PTPRS: variants seen among roughly 807,000 people sequenced by gnomAD.
PTPRS encodes the protein protein tyrosine phosphatase receptor type S, also known as receptor-type tyrosine-protein phosphatase S.
In PTPRS, 63 loss-of-function variants were observed where a neutral mutation model predicts 215.3. The ratio of observed to expected loss-of-function variants is 0.29; its 90% CI spans 0.24 to 0.36. The LOEUF (loss-of-function observed/expected upper bound fraction) is 0.36, where lower values mean the gene tolerates loss of function less well. PTPRS is among the 10% of genes least tolerant of loss of function. The pLI, the probability that PTPRS is intolerant of heterozygous loss-of-function variation, is 1.00. For synonymous variants in PTPRS, 1,404 were observed against 1,191.4 expected (o/e 1.18, Z -3.68); for missense variants, 2,258 against 2,825.8 (o/e 0.80, Z 4.56).
At chr19:5,233,210 G>A (rs1196716556) in intron 13 of PTPRS, among the ~76,000 whole-genome samples, 2 of 151,122 alleles carry the variant, frequency 1.3e-5, no homozygotes, top group Admixed American at 6.6e-5. Context: ...GCCAGGCACC[G>A]TGGCAAGGGG....
At chr19:5,330,530 G>A (rs1229985997) in intron 1 of PTPRS, among the ~76,000 whole-genome samples, 1 of 152,218 alleles carries the variant, frequency 6.6e-6, no homozygotes, top group African/African-American at 2.4e-5. Context: ...AACGGTTCAC[G>A]AAGCTGTGGG....
chr19:5,263,259 C>A (rs887624522), intron 5 of PTPRS, among the ~76,000 whole-genome samples: 3 of 152,108 alleles, frequency 2.0e-5, no homozygotes, highest in African/African-American at 7.2e-5. Flanking sequence ...GGCCTATGAG[C>A]TGCAAACATC....
chr19:5,242,737 C>T (rs888104104), intron 11 of PTPRS, among the ~76,000 whole-genome samples: 2 of 152,094 alleles, frequency 1.3e-5, no homozygotes, highest in Non-Finnish European at 2.9e-5. Context: ...TGCTTTGTTG[C>T]CCAGGCTGGA....
At chr19:5,261,832 C>T (rs1173071979) in intron 6 of PTPRS, among the ~76,000 whole-genome samples, 4 of 152,294 alleles carry the variant, frequency 2.6e-5, no homozygotes, top group East Asian at 1.9e-4. Flanking sequence ...GAGGTGTTCT[C>T]GTGAGGCCAC....
intron 6 of PTPRS, 75 bp from the exon 7 acceptor site, chr19:5,260,897 T>C (rs1172817612): frequency 1.3e-6 from 2 of 1,547,520 alleles, no homozygotes; most frequent in African/African-American, 2.7e-5. Flanking sequence ...CCAGGGAAGC[T>C]GGGCTGGGCC....
chr19:5,292,228 C>G (rs1244289952), intron 1 of PTPRS, among the ~76,000 whole-genome samples: 1 of 152,192 alleles, frequency 6.6e-6, no homozygotes, highest in Non-Finnish European at 1.5e-5. Flanking sequence ...CCACCTGGCA[C>G]TTTATCCACA....
intron 36 of PTPRS, 75 bp from the exon 37 acceptor site, chr19:5,208,132 G>C: frequency 6.3e-7 from 1 of 1,577,294 alleles, no homozygotes. Flanking sequence ...CCGATTCCCC[G>C]AGGACTCTAA....
intron 13 of PTPRS, among the ~76,000 whole-genome samples, chr19:5,234,418 C>T (rs2043266088): frequency 6.6e-6 from 1 of 152,244 alleles, no homozygotes; most frequent in Non-Finnish European, 1.5e-5. Flanking sequence ...ATATTGAGCA[C>T]CTACTGTGTG....
intron 1 of PTPRS, among the ~76,000 whole-genome samples, chr19:5,340,022 G>A (rs1249243300): frequency 2.0e-5 from 3 of 151,808 alleles, no homozygotes; most frequent in Admixed American, 2.0e-4. Context: ...CTCCCATAAG[G>A]CAACGACAGG....
rs41276864 is a variant in PTPRS, at chr19:5,211,601, A to G, written c.5223T>C (p.Ile1741=). 17,351 of 1,608,126 alleles carry G rather than the reference A, an allele frequency of 0.011. 142 individuals carry two copies. Among genetic ancestry groups the G allele is most frequent in the Non-Finnish European group, 0.012 (14,616 of 1,175,086 alleles). ...EGSDYINASF[I]DGYRQQKAYI... ...GGCATGGCACCTACCTGTAGCCATC[A>G]ATGAAGCTGGCGTTGATGTAGTCAG... The change falls in exon 33 of 38, where the codon ATT becomes ATC. Residue 1741 remains isoleucine, a synonymous_variant. Transcript: ENST00000262963.
chr19:5,237,307 C>T lies in PTPRS; in HGVS notation c.1849+1612G>A, dbSNP rs558520472. Among the ~76,000 whole-genome samples the T allele has an allele frequency of 6.6e-6, 1 of 152,348 alleles. No homozygotes were observed. The highest frequency in any genetic ancestry group is 1.9e-4 in the East Asian group (1 of 5,182). ...CCCGCAGTCCCCGGGGGGATGGATA[C>T]GCCTGGCCCTGAGTCTTTGCTGTCG... On this transcript the variant is annotated intron_variant, in intron 13 of 37. Transcript: ENST00000262963. The surrounding 1 kb of genome is among the most constrained non-coding windows in gnomAD (Gnocchi z 4.2).
chr19:5,268,378 T>C (rs752179356), intron 4 of PTPRS, among the ~76,000 whole-genome samples: 6 of 151,836 alleles, frequency 4.0e-5, no homozygotes, highest in Non-Finnish European at 8.8e-5. Context: ...AGACAATGTT[T>C]CTGTTTGTTT....
chr19:5,227,539 C>T (rs533351159), intron 16 of PTPRS, among the ~76,000 whole-genome samples: 10 of 152,132 alleles, frequency 6.6e-5, no homozygotes, highest in Admixed American at 2.0e-4. Context: ...CTCAGCCTCC[C>T]GAGTAGCTAG....
At chr19:5,248,868 C>T (rs867053463) in intron 9 of PTPRS, among the ~76,000 whole-genome samples, 3 of 152,190 alleles carry the variant, frequency 2.0e-5, no homozygotes, top group South Asian at 2.1e-4. Flanking sequence ...GGTATCCTGC[C>T]GAGAAAGGCA....
intron 13 of PTPRS, among the ~76,000 whole-genome samples, chr19:5,232,784 G>A (rs962544856): frequency 1.3e-5 from 2 of 151,352 alleles, no homozygotes; most frequent in African/African-American, 4.9e-5. Flanking sequence ...TTGTGCTGAG[G>A]ACTCCATAGA....
chr19:5,311,366 C>T (rs1359307971), intron 1 of PTPRS, among the ~76,000 whole-genome samples: 2 of 152,122 alleles, frequency 1.3e-5, no homozygotes, highest in African/African-American at 4.8e-5. Context: ...TTCCCTCTGT[C>T]TTCTCCGTCA....
chr19:5,328,856 C>G (rs1212278447), intron 1 of PTPRS, among the ~76,000 whole-genome samples: 1 of 152,158 alleles, frequency 6.6e-6, no homozygotes, highest in Non-Finnish European at 1.5e-5. Context: ...CCTGCAACAT[C>G]ACCCACTCCG....
At chr19:5,226,623 C>T (rs1298901654) in intron 16 of PTPRS, among the ~76,000 whole-genome samples, 1 of 151,070 alleles carries the variant, frequency 6.6e-6, no homozygotes, top group Non-Finnish European at 1.5e-5. Context: ...GTGGCACATG[C>T]CTGTAGTCCC....
chr19:5,215,927 A>G (rs10409567), intron 26 of PTPRS, among the ~76,000 whole-genome samples: 126,518 of 152,104 alleles, frequency 0.83, 53,220 homozygotes, highest in African/African-American at 0.96. Flanking sequence ...GGGTCACCCC[A>G]GAGGATGTCA....
Sources: allele counts gnomAD v4.1 joint callset (sites outside exome capture counted in the v4.1 genomes callset), GRCh38; gene constraint gnomAD v4.1.1; non-coding constraint Gnocchi (gnomAD v3.1); transcripts MANE v1.5; gene names NCBI Gene and HGNC (gene_info 2026-07-23, HGNC 2026-07-21).